Variants in MGAT4C observed in about 807,000 individuals in gnomAD.
MGAT4C encodes the protein MGAT4 family member C.
Under a neutral mutation model 40.1 loss-of-function variants are expected in MGAT4C, and 19 were observed. The ratio of observed to expected loss-of-function variants is 0.47; its 90% CI spans 0.33 to 0.70. The LOEUF (loss-of-function observed/expected upper bound fraction) is 0.70, where lower values mean the gene tolerates loss of function less well. Ranked by LOEUF, MGAT4C falls within the 30% of genes least tolerant of loss-of-function variation. The probability of loss-of-function intolerance (pLI) is 0.02; values close to 1 mark genes in which losing one functional copy is unlikely to be tolerated. For missense variants in MGAT4C, 491 were observed against 563.2 expected (o/e 0.87, Z 1.30); for synonymous variants, 181 against 187.1 (o/e 0.97, Z 0.27).
intron 1 of MGAT4C, among the ~76,000 whole-genome samples, chr12:86,107,008 G>A (rs888406886): frequency 6.6e-6 from 1 of 152,078 alleles, no homozygotes; most frequent in Non-Finnish European, 1.5e-5. Flanking sequence ...GCACTCTTGT[G>A]TTAGGTCTAC....
In MGAT4C at chr12:86,784,644, G is replaced by A. The variant is rs73393177; in HGVS notation, c.-262+54022C>T. ...AAAAACTTTCATTAAATGAATTAATGAATGAATATCTCAGTAGGTAAAAGA... is the reference window on the plus strand; with the variant it reads ...AAAAACTTTCATTAAATGAATTAATAAATGAATATCTCAGTAGGTAAAAGA... On this transcript the variant is annotated intron_variant, in intron 1 of 7. Transcript: ENST00000548651. Among the ~76,000 whole-genome samples the A allele has an allele frequency of 3.4e-3, 507 of 150,848 alleles. 7 individuals are homozygous for A. The highest frequency in any genetic ancestry group is 0.012 in the African/African-American group (490 of 41,088).
At chr12:86,006,303 G>A (rs979436673) in intron 2 of MGAT4C, among the ~76,000 whole-genome samples, 3 of 151,926 alleles carry the variant, frequency 2.0e-5, no homozygotes, top group Non-Finnish European at 2.9e-5. Context: ...CTTGAATGGC[G>A]GCCCTGTGGA....
chr12:86,426,305 C>T (rs575668184), intron 3 of MGAT4C, among the ~76,000 whole-genome samples: 2 of 152,096 alleles, frequency 1.3e-5, no homozygotes, highest in East Asian at 1.9e-4. Flanking sequence ...GATTGGCTCA[C>T]GAGTTTTCTG....
At chr12:86,433,946 T>C (rs1490732275) in intron 3 of MGAT4C, among the ~76,000 whole-genome samples, 2 of 152,004 alleles carry the variant, frequency 1.3e-5, no homozygotes, top group African/African-American at 2.4e-5. Flanking sequence ...ATATTTCCTC[T>C]CCTGGAAGCT....
intron 1 of MGAT4C, among the ~76,000 whole-genome samples, chr12:86,810,463 A>G (rs958874933): frequency 2.6e-5 from 4 of 152,020 alleles, no homozygotes; most frequent in Non-Finnish European, 5.9e-5. Context: ...TATATCAGTT[A>G]TAAGCTTAGG....
At chr12:86,642,117 G>A (rs1963408628) in intron 2 of MGAT4C, among the ~76,000 whole-genome samples, 1 of 151,826 alleles carries the variant, frequency 6.6e-6, no homozygotes, top group Non-Finnish European at 1.5e-5. Context: ...CTACAAATTG[G>A]AGGAGTAATT....
intron 2 of MGAT4C, among the ~76,000 whole-genome samples, chr12:86,694,191 ATCT>A (rs1158581029): frequency 7.2e-5 from 11 of 152,026 alleles, no homozygotes; most frequent in Non-Finnish European, 5.9e-5. Context: ...AATATTTCAG[ATCT>A]TCTTTTCTCT....
chr12:86,452,347 C>T (rs939212929), intron 2 of MGAT4C, among the ~76,000 whole-genome samples: 1 of 148,568 alleles, frequency 6.7e-6, no homozygotes, highest in African/African-American at 2.5e-5. Context: ...TTAATGCTAT[C>T]CCACCCTCCC....
chr12:86,752,632 G>A (rs1951244140), intron 1 of MGAT4C, among the ~76,000 whole-genome samples: 1 of 151,938 alleles, frequency 6.6e-6, no homozygotes, highest in Non-Finnish European at 1.5e-5. Flanking sequence ...CATGAACATA[G>A]GATATCTCTC....
rs530222577 is a variant in MGAT4C at position 86,652,253 on chromosome 12, C to A, written c.-229+74956G>T. Among the ~76,000 whole-genome samples, 3 of 151,924 alleles carry A rather than the reference C, an allele frequency of 2.0e-5. No homozygotes were observed. The South Asian group carries it at 6.2e-4, about 31-fold the overall frequency. Reference sequence around the variant, plus strand: ...GATGATTATGGATAGAATAACTAAACCCACATGTGTATTACCTTTCCCCAT... The same window carrying A: ...GATGATTATGGATAGAATAACTAAAACCACATGTGTATTACCTTTCCCCAT... On this transcript the variant is annotated intron_variant, in intron 2 of 7. Coordinates refer to the MGAT4C transcript ENST00000548651.
intron 1 of MGAT4C, among the ~76,000 whole-genome samples, chr12:86,142,184 G>T (rs1882926395): frequency 6.6e-6 from 1 of 152,164 alleles, no homozygotes; most frequent in Non-Finnish European, 1.5e-5. Flanking sequence ...TTGATCTATG[G>T]TTTATGCCCA....
chr12:86,774,369 T>TCTTG (rs1951712405), intron 1 of MGAT4C, among the ~76,000 whole-genome samples: 1 of 8,612 alleles, frequency 1.2e-4, no homozygotes, highest in Admixed American at 2.0e-3. Context: ...TCTCTCTCTC[T>TCTTG]CTTTCTGTCT....
At chr12:86,823,946 C>G (rs569018133) in intron 1 of MGAT4C, among the ~76,000 whole-genome samples, 1 of 151,350 alleles carries the variant, frequency 6.6e-6, no homozygotes, top group Non-Finnish European at 1.5e-5. Flanking sequence ...TGCAGGTTTT[C>G]AGTTGCAACC....
rs1317516899 is a variant in MGAT4C, at chr12:86,803,504, C to G, written c.-262+35162G>C. ...ACCTACAACATGGAAGAAAATTTTCCCAACCTACTCATCTGACAAAGGGCT... is the reference window on the plus strand; with the variant it reads ...ACCTACAACATGGAAGAAAATTTTCGCAACCTACTCATCTGACAAAGGGCT... On this transcript the variant is annotated intron_variant, in intron 1 of 7. Coordinates refer to the MGAT4C transcript ENST00000548651. 1.2e-4 allele frequency among the ~76,000 whole-genome samples: 18 copies of G among 151,948 alleles called. No individual in the cohort carries two copies. The East Asian group carries it at 1.4e-3, about 11-fold the overall frequency.
In MGAT4C at chr12:86,632,770, TG is replaced by T. The variant is rs543140129; in HGVS notation, c.-229+94438del. ...TGGGGCCTGTTGTGGGGTGGGGGGA[TG>T]GGGGAGGGATAACATTAGGAGAAAT... On this transcript the variant is annotated intron_variant, in intron 2 of 7. Coordinates refer to the MGAT4C transcript ENST00000548651. Among the ~76,000 whole-genome samples, 447 of 61,320 alleles carry T rather than the reference TG, an allele frequency of 7.3e-3. 1 individual carries two copies. The highest frequency in any genetic ancestry group is 0.027 in the African/African-American group (435 of 16,116). The allele number at this position is 61,320 out of a possible 152,430, so 40.2% of individuals were successfully genotyped here.
intron 2 of MGAT4C, among the ~76,000 whole-genome samples, chr12:86,042,518 C>T (rs1323538175): frequency 1.3e-5 from 2 of 152,078 alleles, no homozygotes; most frequent in African/African-American, 4.8e-5. Flanking sequence ...AAGGAATTCC[C>T]ATAGCATTTG....
At chr12:86,438,875 A>G (rs999658903) in intron 2 of MGAT4C, among the ~76,000 whole-genome samples, 4 of 151,988 alleles carry the variant, frequency 2.6e-5, no homozygotes, top group African/African-American at 9.7e-5. Context: ...AAAAAAAATA[A>G]AAAGACAAAG....
At position 86,184,419 on chromosome 12, in the gene MGAT4C, C is replaced by A. The variant is rs188427814; in HGVS notation, c.-57+71820G>T. The stretch of plus-strand genomic sequence containing the variant: ...TACTTTTATTTACTATGTGCCAGGA[C>A]ATTATTCTAAGAATTTTTACATGTA... On this transcript the variant is annotated intron_variant, in intron 1 of 4. Transcript: ENST00000611864. 6.6e-5 allele frequency among the ~76,000 whole-genome samples: 10 copies of A among 150,990 alleles called. No homozygotes were observed. The East Asian group carries it at 2.0e-3, about 29-fold the overall frequency.
In MGAT4C at chr12:85,969,703, TTA is replaced by T. The variant is rs1883529125; in HGVS notation, c.*9584_*9585del. Reference sequence around the variant, plus strand: ...CAAATGGGTTTTCAATAAATTATTATTATAGTTAGGAGGCAATGTATAATAGT... The same window carrying T: ...CAAATGGGTTTTCAATAAATTATTATTAGTTAGGAGGCAATGTATAATAGT... On this transcript the variant is annotated 3_prime_UTR_variant, in exon 5 of 5. Coordinates refer to ENST00000611864, the MANE Select transcript of MGAT4C (RefSeq NM_001351288.2). 1 of 151,554 alleles carries T rather than the reference TTA, an allele frequency of 6.6e-6. No individual in the cohort carries two copies. The highest frequency in any genetic ancestry group is 1.5e-5 in the Non-Finnish European group (1 of 67,568). The allele number at this position is 151,554 out of a possible 1,614,324, so 9.4% of individuals were successfully genotyped here.
Sources: gnomAD v4.1 joint callset for allele counts (sites outside exome capture counted in the v4.1 genomes callset) on GRCh38, gnomAD v4.1.1 for gene constraint, MANE v1.5 for transcripts, NCBI Gene and HGNC (gene_info 2026-07-23, HGNC 2026-07-21) for gene names.